SPAG17: variants seen among roughly 807,000 people sequenced by gnomAD.
SPAG17 encodes the protein sperm-associated antigen 17.
In SPAG17, 169 loss-of-function variants were observed where a neutral mutation model predicts 273.6. The ratio of observed to expected loss-of-function variants is 0.62; its 90% confidence interval spans 0.55 to 0.70. The LOEUF is 0.70. SPAG17 is among the 30% of genes least tolerant of loss of function. The probability of loss-of-function intolerance (pLI) is 0.00; values close to 1 mark genes in which losing one functional copy is unlikely to be tolerated. For synonymous variants in SPAG17, 825 were observed against 873.2 expected (o/e 0.94, Z 0.97); for missense variants, 2,557 against 2,627.8 (o/e 0.97, Z 0.59).
intron 26 of SPAG17, among the ~76,000 whole-genome samples, chr1:118,026,886 C>T (rs1647811706): frequency 6.6e-6 from 1 of 152,112 alleles, no homozygotes; most frequent in East Asian, 1.9e-4. Context: ...GATATTGCTA[C>T]TTTGGTATTT....
intron 24 of SPAG17, 188 bp downstream of exon 24, chr1:118,036,582 C>T (rs1054102833): frequency 3.5e-5 from 14 of 405,160 alleles, no homozygotes; most frequent in Admixed American, 8.7e-5. Context: ...TATATATATA[C>T]TGTATACACA....
chr1:118,136,801 ATGTGTGTGTGTGTGTGTG>A (rs5777337), intron 3 of SPAG17, among the ~76,000 whole-genome samples: 1 of 147,148 alleles, frequency 6.8e-6, no homozygotes, highest in Non-Finnish European at 1.5e-5. Flanking sequence ...GTGTGTGTGT[ATGTGTGTGTGTGTGTGTG>A]TGTGTGTGTG....
Position 118,167,366 on chromosome 1 carries a change from G to A in SPAG17, c.88-15997C>T, listed in dbSNP as rs144368502. On this transcript the variant is annotated intron_variant, in intron 1 of 48. Coordinates refer to ENST00000336338, the MANE Select transcript of SPAG17 (RefSeq NM_206996.4). ...TTAGAAATACAAATTGTTTACTTAT[G>A]TTATAATGATTTTTGTACAATATCA... Among the ~76,000 whole-genome samples, 1,284 of 152,140 alleles carry A rather than the reference G, an allele frequency of 8.4e-3. 6 individuals are homozygous for A. Among genetic ancestry groups the A allele is most frequent in the Non-Finnish European group, 0.015 (991 of 67,976 alleles).
At chr1:118,082,470 AAG>A (rs1405722697) in intron 13 of SPAG17, among the ~76,000 whole-genome samples, 1 of 152,250 alleles carries the variant, frequency 6.6e-6, no homozygotes, top group Non-Finnish European at 1.5e-5. Flanking sequence ...GGAGATTCAG[AAG>A]AGAGACAAGG....
chr1:118,134,524 A>C (rs568994446), intron 3 of SPAG17, among the ~76,000 whole-genome samples: 1 of 152,230 alleles, frequency 6.6e-6, no homozygotes. Context: ...AAATGCATCC[A>C]GCAATGAACT....
chr1:118,038,118 C>T (rs940713091), intron 23 of SPAG17, among the ~76,000 whole-genome samples: 8 of 152,110 alleles, frequency 5.3e-5, no homozygotes, highest in African/African-American at 1.9e-4. Context: ...AAAAAATGGG[C>T]ATGAAACTTC....
chr1:118,143,980 C>T lies in SPAG17; in HGVS notation c.315+6563G>A, dbSNP rs1416891997. 2.0e-5 allele frequency among the ~76,000 whole-genome samples: 3 copies of T among 152,326 alleles called. No homozygotes were observed. In the East Asian group the frequency reaches 5.8e-4, roughly 29 times the overall value. ...GGGCTTCCTGCTGCTGGATCCCCGG[C>T]TCCACTGCATCACCACCACACCTCC... On this transcript the variant is annotated intron_variant, in intron 3 of 48. Transcript: ENST00000336338.
chr1:117,967,641 T>A (rs1264118640), intron 46 of SPAG17, among the ~76,000 whole-genome samples: 1 of 151,820 alleles, frequency 6.6e-6, no homozygotes, highest in Non-Finnish European at 1.5e-5. Flanking sequence ...ATAAAATTAG[T>A]TTAAATGCCC....
At chr1:118,075,549 T>C (rs1377205480) in intron 15 of SPAG17, among the ~76,000 whole-genome samples, 1 of 152,232 alleles carries the variant, frequency 6.6e-6, no homozygotes, top group African/African-American at 2.4e-5. Context: ...GTATATAGCA[T>C]TTTGCAAATT....
chr1:117,984,918 G>A, intron 40 of SPAG17, 136 bp from the exon 41 acceptor site: 1 of 609,472 alleles, frequency 1.6e-6, no homozygotes, highest in East Asian at 3.1e-5. Flanking sequence ...TAATTTATTA[G>A]ATATTTTTGT....
intron 24 of SPAG17, 121 bp from the exon 25 acceptor site, chr1:118,031,988 TG>T: frequency 2.7e-6 from 2 of 748,504 alleles, no homozygotes; most frequent in Non-Finnish European, 4.2e-6. Context: ...TTGCTAAATA[TG>T]ATTTATCAGT....
intron 32 of SPAG17, among the ~76,000 whole-genome samples, chr1:118,001,080 C>T (rs1658229302): frequency 1.3e-5 from 2 of 152,230 alleles, no homozygotes; most frequent in South Asian, 2.1e-4. Context: ...TTGAGATAAT[C>T]ATGTGGTTTT....
chr1:118,092,630 C>T (rs1033130154), intron 8 of SPAG17, among the ~76,000 whole-genome samples: 54 of 152,330 alleles, frequency 3.5e-4, no homozygotes, highest in African/African-American at 1.2e-3. Context: ...CCCCACATCG[C>T]TAATCCTGGT....
At chr1:118,052,266 G>C (rs1428124807) in intron 20 of SPAG17, among the ~76,000 whole-genome samples, 1 of 151,130 alleles carries the variant, frequency 6.6e-6, no homozygotes, top group Non-Finnish European at 1.5e-5. Flanking sequence ...GATAAGCCTG[G>C]GGGACATGAC....
chr1:117,983,526 T>C (rs979198427), intron 42 of SPAG17, among the ~76,000 whole-genome samples: 1 of 152,254 alleles, frequency 6.6e-6, no homozygotes, highest in African/African-American at 2.4e-5. Flanking sequence ...GGTTGATATT[T>C]TGAGACCTTA....
At chr1:118,049,800 G>C (rs577083948) in intron 20 of SPAG17, among the ~76,000 whole-genome samples, 1 of 152,164 alleles carries the variant, frequency 6.6e-6, no homozygotes, top group Admixed American at 6.5e-5. Context: ...GATGTGGGCT[G>C]CCCCCCATCA....
intron 34 of SPAG17, among the ~76,000 whole-genome samples, chr1:117,995,898 A>T (rs1036674473): frequency 6.6e-6 from 1 of 152,118 alleles, no homozygotes; most frequent in Non-Finnish European, 1.5e-5. Context: ...AAAACAATGT[A>T]AGTACCCAAT....
intron 30 of SPAG17, among the ~76,000 whole-genome samples, chr1:118,008,932 A>G (rs985299295): frequency 6.6e-6 from 1 of 152,076 alleles, no homozygotes; most frequent in Admixed American, 6.6e-5. Flanking sequence ...TCTGCCACTG[A>G]TGGACATTTA....
chr1:118,015,972 T>C lies in SPAG17; in HGVS notation c.4280A>G (p.Asn1427Ser), dbSNP rs146118857. Residue 1427 changes from asparagine to serine, a missense_variant, in exon 29 of 49, where the codon AAT (asparagine) becomes AGT (serine). Asn to Ser is a conservative substitution (Grantham distance 46). Coordinates refer to ENST00000336338, the MANE Select transcript of SPAG17 (RefSeq NM_206996.4). ...LLSFQATDPV[N>S]GTVMTTREDK... ...AACAATAGTTTGTCATACCGTTCCATTGACAGGATCTGTGGCCTGAAAGGA... is the reference window on the plus strand; with the variant it reads ...AACAATAGTTTGTCATACCGTTCCACTGACAGGATCTGTGGCCTGAAAGGA... 1.5e-4 allele frequency: 240 copies of C among 1,613,740 alleles called. No individual in the cohort carries two copies. The highest frequency in any genetic ancestry group is 1.9e-4 in the Non-Finnish European group (223 of 1,179,826).
Sources: gnomAD v4.1 joint callset for allele counts (sites outside exome capture counted in the v4.1 genomes callset) on GRCh38, gnomAD v4.1.1 for gene constraint, MANE v1.5 for transcripts, NCBI Gene and HGNC (gene_info 2026-07-23, HGNC 2026-07-21) for gene names.